Variants in DNAAF4 observed in about 807,000 individuals in gnomAD.
DNAAF4 encodes dynein axonemal assembly factor 4.
A neutral mutation model predicts 51.8 loss-of-function variants in DNAAF4; 43 were observed. The ratio of observed to expected loss-of-function variants is 0.83; its 90% CI spans 0.65 to 1.07. The LOEUF (loss-of-function observed/expected upper bound fraction) is 1.07, where lower values mean the gene tolerates loss of function less well. Ranked by LOEUF, DNAAF4 falls within the 50% of genes least tolerant of loss-of-function variation. DNAAF4 has a pLI of 0.00. For missense variants in DNAAF4, 581 were observed against 493.0 expected, an observed-to-expected ratio of 1.18 and a Z score of -1.69; for synonymous variants, 194 against 165.6, an observed-to-expected ratio of 1.17 and a Z score of -1.32.
rs557304543 is a variant in DNAAF4 at position 55,434,027 on chromosome 15, T to A, written c.1047+878A>T. ...TATATATTATATATATTCTTATATATAATATATATTATATATATATATAAA... is the reference window on the plus strand; with the variant it reads ...TATATATTATATATATTCTTATATAAAATATATATTATATATATATATAAA... On this transcript the variant is annotated intron_variant, in intron 8 of 9. Transcript: ENST00000321149. Among the ~76,000 whole-genome samples, 23 of 98,682 alleles carry A rather than the reference T, an allele frequency of 2.3e-4. No individual in the cohort carries two copies. The South Asian group carries it at 4.5e-3, about 20-fold the overall frequency. 64.7% of individuals were successfully genotyped at this position (98,682 alleles called of 152,430 possible).
In DNAAF4 at chr15:55,451,986, C is replaced by A. The variant is rs375764222; in HGVS notation, c.638-1619G>T. On this transcript the variant is annotated intron_variant, in intron 5 of 9. Coordinates refer to ENST00000321149, the MANE Select transcript of DNAAF4 (RefSeq NM_130810.4). ...ATAGGTCTGGGCGCAGCGGCTCACA[C>A]CTGTAATCCTAGCACTTCGGGATGC... Among the ~76,000 whole-genome samples the A allele has an allele frequency of 1.1e-4, 16 of 151,950 alleles. 1 individual carries two copies. The highest frequency in any genetic ancestry group is 7.2e-4 in the Admixed American group (11 of 15,240).
rs1259857074 is a variant in DNAAF4 at position 55,497,769 on chromosome 15, C to A, written c.214G>T (p.Val72Phe). 5.6e-6 allele frequency: 9 copies of A among 1,612,336 alleles called. No individual in the cohort carries two copies. The highest frequency in any genetic ancestry group is 7.6e-6 in the Non-Finnish European group (9 of 1,179,226). ...GCTTCTTTTTTATACAAGGTGAAGA[C>A]AATGGTGTCATTCCCAATCTTTGCT... ...SKAKIGNDTIVFTLYKKEAAM... is the reference protein window; with the variant it reads ...SKAKIGNDTIFFTLYKKEAAM... Residue 72 changes from valine (V) to phenylalanine (F), a missense_variant, in exon 3 of 10, where the codon GTC becomes TTC. Physicochemically the swap from Val to Phe is conservative, Grantham distance 50. Coordinates refer to ENST00000321149, the MANE Select transcript of DNAAF4 (RefSeq NM_130810.4).
chr15:55,441,049 G>C (rs913187288), intron 6 of DNAAF4, among the ~76,000 whole-genome samples: 1 of 151,744 alleles, frequency 6.6e-6, no homozygotes, highest in South Asian at 2.1e-4. Flanking sequence ...CAAATTTCTT[G>C]CTTTCTGGGA....
chr15:55,440,261 C>T (rs1010172439), intron 6 of DNAAF4, among the ~76,000 whole-genome samples: 49 of 151,946 alleles, frequency 3.2e-4, no homozygotes, highest in African/African-American at 1.1e-3. Context: ...CTATTTTGGC[C>T]AGGCTGGTAT....
chr15:55,507,736 A>T (rs183261104), intron 1 of DNAAF4, among the ~76,000 whole-genome samples: 30 of 152,310 alleles, frequency 2.0e-4, no homozygotes, highest in African/African-American at 7.2e-4. Flanking sequence ...TCACGCCTGT[A>T]ATCTCAGCAC....
chr15:55,501,990 C>T (rs1255891815), intron 1 of DNAAF4, among the ~76,000 whole-genome samples: 1 of 151,820 alleles, frequency 6.6e-6, no homozygotes, highest in Non-Finnish European at 1.5e-5. Context: ...TTGCATTGAG[C>T]CGAGATCATG....
chr15:55,442,634 A>T, intron 6 of DNAAF4: 2 of 1,527,182 alleles, frequency 1.3e-6, no homozygotes, highest in South Asian at 2.2e-5. Flanking sequence ...GCAGCTCTTT[A>T]TGTCAGACTT....
At chr15:55,484,662 G>C (rs2058462166) in intron 4 of DNAAF4, among the ~76,000 whole-genome samples, 1 of 152,048 alleles carries the variant, frequency 6.6e-6, no homozygotes, top group Admixed American at 6.6e-5. Context: ...TATATATAAA[G>C]GGGAGTTTAT....
At chr15:55,424,056 C>T (rs2057409910) in intron 7 of DNAAF4, among the ~76,000 whole-genome samples, 1 of 152,288 alleles carries the variant, frequency 6.6e-6, no homozygotes, top group Non-Finnish European at 1.5e-5. Flanking sequence ...CACTACTGCA[C>T]TCTAGCCTGG....
intron 5 of DNAAF4, among the ~76,000 whole-genome samples, chr15:55,460,560 A>G (rs2058081260): frequency 6.6e-6 from 1 of 152,174 alleles, no homozygotes; most frequent in Non-Finnish European, 1.5e-5. Context: ...GGACTTCAGT[A>G]CTCTACTGAC....
chr15:55,438,212 G>C (rs946643154), intron 7 of DNAAF4, among the ~76,000 whole-genome samples: 1 of 151,810 alleles, frequency 6.6e-6, no homozygotes, highest in East Asian at 2.0e-4. Flanking sequence ...TTAGTTGGGC[G>C]TGGTGGCAGG....
chr15:55,486,776 C>CA (rs533402480), intron 4 of DNAAF4, among the ~76,000 whole-genome samples: 3,676 of 130,462 alleles, frequency 0.028, 158 homozygotes, highest in African/African-American at 0.093. Context: ...GACCCTGTCT[C>CA]AAAAAAAAAA....
intron 9 of DNAAF4, among the ~76,000 whole-genome samples, chr15:55,431,350 G>A (rs990758844): frequency 1.8e-5 from 2 of 113,208 alleles, no homozygotes; most frequent in African/African-American, 3.2e-5. Flanking sequence ...CCGAGCTTAG[G>A]TGTGTGTATA....
chr15:55,478,104 A>G (rs1288333112), intron 4 of DNAAF4, among the ~76,000 whole-genome samples: 1 of 152,096 alleles, frequency 6.6e-6, no homozygotes, highest in Non-Finnish European at 1.5e-5. Flanking sequence ...CATCATTACT[A>G]CTGAGGATCC....
chr15:55,496,196 A>T (rs1595958139), intron 3 of DNAAF4, among the ~76,000 whole-genome samples: 1 of 152,162 alleles, frequency 6.6e-6, no homozygotes, highest in Admixed American at 6.6e-5. Context: ...GCATCACTGC[A>T]CTCCAGCCTG....
At chr15:55,494,638 C>T (rs1211288597) in intron 3 of DNAAF4, among the ~76,000 whole-genome samples, 1 of 152,066 alleles carries the variant, frequency 6.6e-6, no homozygotes, top group East Asian at 1.9e-4. Flanking sequence ...TCTCAAACTC[C>T]TGACCTCAGG....
intron 6 of DNAAF4, among the ~76,000 whole-genome samples, chr15:55,444,879 T>C (rs1471641861): frequency 6.6e-6 from 1 of 152,136 alleles, no homozygotes; most frequent in Non-Finnish European, 1.5e-5. Flanking sequence ...ATGCTTGTGA[T>C]TTCTGCACAT....
chr15:55,418,313 T>C, intron 7 of DNAAF4: 1 of 1,546,416 alleles, frequency 6.5e-7, no homozygotes, highest in South Asian at 1.2e-5. Context: ...TCCTGTGTTT[T>C]CATGTATGTT....
At chr15:55,452,776 A>C (rs2057955602) in intron 5 of DNAAF4, among the ~76,000 whole-genome samples, 1 of 152,230 alleles carries the variant, frequency 6.6e-6, no homozygotes, top group Non-Finnish European at 1.5e-5. Context: ...GTCATCTCAA[A>C]AGCTGACACA....
Sources: allele counts gnomAD v4.1 joint callset (sites outside exome capture counted in the v4.1 genomes callset), GRCh38; gene constraint gnomAD v4.1.1; transcripts MANE v1.5; gene names NCBI Gene and HGNC (gene_info 2026-07-23, HGNC 2026-07-21).